The following AGBL4 variants were observed in gnomAD, a reference collection of about 807,000 sequenced individuals.
AGBL4 encodes AGBL carboxypeptidase 4.
In AGBL4, 58 loss-of-function variants were observed where a neutral mutation model predicts 66.4. The ratio of observed to expected loss-of-function variants is 0.87; its 90% CI spans 0.71 to 1.09. The LOEUF (loss-of-function observed/expected upper bound fraction) is 1.09, where lower values mean the gene tolerates loss of function less well. AGBL4 is among the 50% of genes least tolerant of loss of function. The probability of loss-of-function intolerance (pLI) is 0.00; values close to 1 mark genes in which losing one functional copy is unlikely to be tolerated. For synonymous variants in AGBL4, 234 were observed against 222.9 expected (o/e 1.05, Z -0.44); for missense variants, 579 against 631.0 (o/e 0.92, Z 0.88).
chr1:48,937,605 G>GT (rs1221459034), intron 5 of AGBL4, among the ~76,000 whole-genome samples: 4 of 151,810 alleles, frequency 2.6e-5, no homozygotes, highest in South Asian at 4.2e-4. Flanking sequence ...ATTTGAAAGT[G>GT]TTTTTTTTCC....
chr1:49,948,472 A>AAAAT (rs1655718656), intron 1 of AGBL4, among the ~76,000 whole-genome samples: 1 of 124,490 alleles, frequency 8.0e-6, no homozygotes, highest in Non-Finnish European at 1.6e-5. Flanking sequence ...TAAATATATA[A>AAAAT]ATATATAAAT....
chr1:49,308,898 A>T (rs1644896864), intron 3 of AGBL4, among the ~76,000 whole-genome samples: 1 of 152,164 alleles, frequency 6.6e-6, no homozygotes, highest in African/African-American at 2.4e-5. Flanking sequence ...TACACAATTA[A>T]TCTCACTGAA....
intron 5 of AGBL4, among the ~76,000 whole-genome samples, chr1:48,966,954 C>G (rs1485144770): frequency 6.6e-6 from 1 of 151,934 alleles, no homozygotes; most frequent in Non-Finnish European, 1.5e-5. Context: ...AACACTAAGG[C>G]TTATTTTGTC....
At chr1:49,180,149 C>T (rs532236208) in intron 4 of AGBL4, among the ~76,000 whole-genome samples, 1 of 152,278 alleles carries the variant, frequency 6.6e-6, no homozygotes, top group African/African-American at 2.4e-5. Context: ...CCGCCCGCCT[C>T]AGCCTCCCAA....
intron 2 of AGBL4, chr1:49,841,862 C>A: frequency 3.6e-6 from 2 of 558,394 alleles, no homozygotes; most frequent in Non-Finnish European, 6.5e-6. Context: ...GGAGCAGGGG[C>A]AGCCATTCCT....
At chr1:48,919,839 G>A (rs1454543229) in intron 5 of AGBL4, among the ~76,000 whole-genome samples, 2 of 152,188 alleles carry the variant, frequency 1.3e-5, no homozygotes, top group African/African-American at 4.8e-5. Flanking sequence ...TTACTTAAGA[G>A]AACAACATAA....
chr1:48,722,523 C>T (rs1208903767), intron 6 of AGBL4, among the ~76,000 whole-genome samples: 1 of 152,058 alleles, frequency 6.6e-6, no homozygotes, highest in East Asian at 1.9e-4. Flanking sequence ...TGTCCTATTT[C>T]CTCTAATCTA....
At chr1:48,889,791 A>T (rs1329995266) in intron 5 of AGBL4, among the ~76,000 whole-genome samples, 1 of 152,182 alleles carries the variant, frequency 6.6e-6, no homozygotes, top group Non-Finnish European at 1.5e-5. Flanking sequence ...AGCACAGTTG[A>T]ATCCCCTATA....
intron 1 of AGBL4, among the ~76,000 whole-genome samples, chr1:49,989,067 C>G (rs1018703373): frequency 1.3e-5 from 2 of 152,110 alleles, no homozygotes; most frequent in Non-Finnish European, 2.9e-5. Flanking sequence ...GTGAAGTTAG[C>G]GTCTAACAGT....
intron 3 of AGBL4, among the ~76,000 whole-genome samples, chr1:49,425,136 A>C (rs1490889181): frequency 6.6e-6 from 1 of 152,194 alleles, no homozygotes. Context: ...AAAACATGAA[A>C]TGTTCTAAAA....
At position 48,771,225 on chromosome 1, in the gene AGBL4, G is replaced by A. The variant is rs556104351; in HGVS notation, c.634+95966C>T. Among the ~76,000 whole-genome samples, 13 of 152,286 alleles carry A rather than the reference G, an allele frequency of 8.5e-5. No individual in the cohort carries two copies. The Middle Eastern group carries it at 0.01, about 120-fold the overall frequency. On this transcript the variant is annotated intron_variant, in intron 6 of 13. Transcript: ENST00000371839. ...ATTACGAATGTTCTTCTGGTAGAAA[G>A]AGTACACACAACTTCTGTCCCTAAG...
chr1:49,225,603 C>A (rs754987512), intron 4 of AGBL4, among the ~76,000 whole-genome samples: 5 of 152,138 alleles, frequency 3.3e-5, no homozygotes, highest in African/African-American at 1.2e-4. Context: ...AGAGAAGCTG[C>A]CAAATTGGCT....
chr1:49,149,003 G>A (rs1223253562), intron 4 of AGBL4, among the ~76,000 whole-genome samples: 1 of 152,202 alleles, frequency 6.6e-6, no homozygotes, highest in Admixed American at 6.5e-5. Flanking sequence ...AGCGTCTAGA[G>A]CTCTGAGATA....
intron 1 of AGBL4, among the ~76,000 whole-genome samples, chr1:49,874,990 A>G (rs1340922614): frequency 1.3e-5 from 1 of 76,316 alleles, no homozygotes; most frequent in Non-Finnish European, 2.5e-5. Context: ...CCCACCCCAC[A>G]ACAGTCCCCA....
intron 6 of AGBL4, among the ~76,000 whole-genome samples, chr1:48,828,119 C>G (rs1024828518): frequency 6.6e-6 from 1 of 150,820 alleles, no homozygotes; most frequent in African/African-American, 2.4e-5. Flanking sequence ...TTGCTTGAAC[C>G]CAGCAGGTGG....
At chr1:49,232,398 A>G (rs879485423) in intron 4 of AGBL4, among the ~76,000 whole-genome samples, 5 of 152,076 alleles carry the variant, frequency 3.3e-5, no homozygotes, top group African/African-American at 4.8e-5. Context: ...TGATCTGCAT[A>G]AAAGGACTAC....
chr1:48,573,446 C>T (rs1644600892), intron 11 of AGBL4, among the ~76,000 whole-genome samples: 1 of 152,150 alleles, frequency 6.6e-6, no homozygotes, highest in African/African-American at 2.4e-5. Flanking sequence ...CTAAGGAGGG[C>T]TAATATATGC....
At chr1:49,057,696 T>G (rs188425698) in intron 4 of AGBL4, among the ~76,000 whole-genome samples, 3 of 152,298 alleles carry the variant, frequency 2.0e-5, no homozygotes, top group African/African-American at 7.2e-5. Context: ...ACTAGATCCT[T>G]TCCTCAAAGC....
chr1:48,803,813 G>T, intron 6 of AGBL4, among the ~76,000 whole-genome samples: 1 of 152,126 alleles, frequency 6.6e-6, no homozygotes, highest in Non-Finnish European at 1.5e-5. Flanking sequence ...AAAAAGTTCT[G>T]CCAGTTTCAC....
Sources: gnomAD v4.1 joint callset for allele counts (sites outside exome capture counted in the v4.1 genomes callset) on GRCh38, gnomAD v4.1.1 for gene constraint, MANE v1.5 for transcripts, NCBI Gene and HGNC (gene_info 2026-07-23, HGNC 2026-07-21) for gene names.